The following TMOD3 variants were observed in gnomAD, a reference collection of about 807,000 sequenced individuals.
TMOD3 encodes the protein tropomodulin-3.
Under a neutral mutation model 39.2 loss-of-function variants are expected in TMOD3, and 20 were observed. That is an observed-to-expected ratio of 0.51 (90% CI 0.36 to 0.74). TMOD3 has a LOEUF of 0.74. Among genes scored for constraint, TMOD3 ranks in the 30% least tolerant of loss-of-function variants. TMOD3 has a pLI of 0.00. For synonymous variants in TMOD3, 143 were observed against 145.8 expected, an observed-to-expected ratio of 0.98 and a Z score of 0.14; for missense variants, 381 against 412.8, an observed-to-expected ratio of 0.92 and a Z score of 0.67.
At chr15:51,886,483 G>A (rs933750495) in intron 3 of TMOD3, among the ~76,000 whole-genome samples, 3 of 152,234 alleles carry the variant, frequency 2.0e-5, no homozygotes, top group Admixed American at 6.5e-5. Flanking sequence ...TGGCCAACAC[G>A]GCGAAACCCC....
In TMOD3 at chr15:51,896,501, C is replaced by T. The variant is rs2056621585; in HGVS notation, c.710C>T (p.Thr237Ile). Residue 237 changes from threonine to isoleucine, a missense_variant, in exon 7 of 10, where the codon ACC (threonine) becomes ATC (isoleucine). Physicochemically the swap from Thr to Ile is moderately conservative, Grantham distance 89. Transcript: ENST00000308580. ...GTGAAATGTTTCAGTCTTGCAGCCA[C>T]CCGGAGCAATGACCCTGTTGCTACT... ...THVKCFSLAA[T>I]RSNDPVATAF... 2 of 1,613,824 alleles carry T rather than the reference C, an allele frequency of 1.2e-6. No homozygotes were observed. Among genetic ancestry groups the T allele is most frequent in the Non-Finnish European group, 1.7e-6 (2 of 1,179,806 alleles).
chr15:51,879,137 C>T (rs1323823464), intron 3 of TMOD3, among the ~76,000 whole-genome samples: 1 of 152,150 alleles, frequency 6.6e-6, no homozygotes, highest in East Asian at 1.9e-4. Flanking sequence ...TTTCTTTTTT[C>T]TTGGAACACA....
At chr15:51,895,673 G>A (rs1041450527) in intron 6 of TMOD3, among the ~76,000 whole-genome samples, 6 of 152,124 alleles carry the variant, frequency 3.9e-5, no homozygotes, top group Admixed American at 6.5e-5. Context: ...AAGTAGTGTA[G>A]GGTTAATCTC....
At chr15:51,890,565 G>C (rs926718379) in intron 5 of TMOD3, among the ~76,000 whole-genome samples, 1 of 151,994 alleles carries the variant, frequency 6.6e-6, no homozygotes, top group Admixed American at 6.6e-5. Flanking sequence ...ACAGTTCTAT[G>C]AAATAGATAT....
At chr15:51,867,865 A>T (rs2056454813) in intron 2 of TMOD3, among the ~76,000 whole-genome samples, 1 of 152,212 alleles carries the variant, frequency 6.6e-6, no homozygotes, top group Non-Finnish European at 1.5e-5. Context: ...GGGCTTAGTG[A>T]AAATTAAGGG....
At chr15:51,875,669 G>A (rs915190391) in intron 3 of TMOD3, among the ~76,000 whole-genome samples, 2 of 143,444 alleles carry the variant, frequency 1.4e-5, no homozygotes, top group Non-Finnish European at 1.5e-5. Flanking sequence ...AGGCTGGAGT[G>A]CAGTGGCGCG....
chr15:51,897,549 A>G (rs1181040604), intron 7 of TMOD3, among the ~76,000 whole-genome samples: 3 of 148,502 alleles, frequency 2.0e-5, no homozygotes, highest in African/African-American at 5.0e-5. Flanking sequence ...CAGTGGCGCA[A>G]TCTCGGCTCA....
chr15:51,830,035 G>T (rs1375715240), intron 1 of TMOD3, among the ~76,000 whole-genome samples, 199 bp downstream of exon 1: 3 of 152,118 alleles, frequency 2.0e-5, no homozygotes, highest in Non-Finnish European at 4.4e-5. Context: ...GGGACGTGGG[G>T]CGCGCTGGGC....
intron 3 of TMOD3, among the ~76,000 whole-genome samples, chr15:51,882,590 T>C (rs543384643): frequency 6.6e-6 from 1 of 152,334 alleles, no homozygotes; most frequent in African/African-American, 2.4e-5. Flanking sequence ...CTCCATTGAA[T>C]TGTTTTGGTA....
intron 1 of TMOD3, among the ~76,000 whole-genome samples, chr15:51,857,469 TA>T (rs2056394072): frequency 7.9e-5 from 12 of 152,222 alleles, no homozygotes; most frequent in Admixed American, 7.9e-4. Context: ...CTGTGGAATG[TA>T]GAATGTCATG....
rs900184459 is a variant in TMOD3, at chr15:51,911,737, A to T, written c.*2927A>T. On this transcript the variant is annotated 3_prime_UTR_variant, in exon 10 of 10. Transcript: ENST00000308580. The stretch of plus-strand genomic sequence containing the variant: ...GTCTGAATTTTTCCAGTATTCCTAC[A>T]TGAAATTGTATGTATTAAAAACTCA... 9.2e-5 allele frequency: 14 copies of T among 152,312 alleles called. No homozygotes were observed. The highest frequency in any genetic ancestry group is 4.8e-5 in the African/African-American group (2 of 41,578). The allele number at this position is 152,312 out of a possible 1,614,324, so 9.4% of individuals were successfully genotyped here.
At chr15:51,843,291 G>T (rs773961283) in intron 1 of TMOD3, among the ~76,000 whole-genome samples, 1 of 152,172 alleles carries the variant, frequency 6.6e-6, no homozygotes, top group Non-Finnish European at 1.5e-5. Flanking sequence ...CAAATGAGGC[G>T]GCCAGCTGAA....
intron 1 of TMOD3, among the ~76,000 whole-genome samples, chr15:51,837,337 G>A (rs765237849): frequency 1.3e-5 from 2 of 151,876 alleles, no homozygotes; most frequent in South Asian, 2.1e-4. Context: ...TGAGGCAAAC[G>A]TGACAAGATA....
chr15:51,856,883 A>G (rs1332419765), intron 1 of TMOD3, among the ~76,000 whole-genome samples: 1 of 152,234 alleles, frequency 6.6e-6, no homozygotes. Context: ...CAAGTTCAGT[A>G]TAAGCATACC....
At chr15:51,905,841 G>A (rs989208124) in intron 9 of TMOD3, among the ~76,000 whole-genome samples, 73 of 151,380 alleles carry the variant, frequency 4.8e-4, no homozygotes, top group African/African-American at 1.7e-3. Flanking sequence ...CTACTCGGGA[G>A]GCTGAGGCAG....
intron 5 of TMOD3, among the ~76,000 whole-genome samples, chr15:51,893,294 CAAAAAAAAAAAAAAAAA>C (rs59321162): frequency 6.8e-5 from 4 of 58,992 alleles, no homozygotes; most frequent in African/African-American, 1.4e-4. Context: ...GACTCCATCT[CAAAAAAAAAAAAAAAAA>C]AAAAAAAAAA....
chr15:51,859,810 T>C (rs940862086), intron 1 of TMOD3: 1 of 511,720 alleles, frequency 2.0e-6, no homozygotes, highest in East Asian at 5.1e-5. Flanking sequence ...TACTGCCACC[T>C]CTAGAGCTTT....
chr15:51,861,718 C>A (rs1359407935), intron 1 of TMOD3, among the ~76,000 whole-genome samples: 2 of 149,116 alleles, frequency 1.3e-5, no homozygotes, highest in African/African-American at 5.0e-5. Context: ...AGTGTAAAGG[C>A]ACGATCTTGG....
intron 1 of TMOD3, among the ~76,000 whole-genome samples, chr15:51,851,242 G>A (rs1387011253): frequency 6.6e-6 from 1 of 152,144 alleles, no homozygotes; most frequent in Non-Finnish European, 1.5e-5. Flanking sequence ...TCATCACTAC[G>A]GTTCCTGGGT....
Sources: allele counts gnomAD v4.1 joint callset (sites outside exome capture counted in the v4.1 genomes callset), GRCh38; gene constraint gnomAD v4.1.1; transcripts MANE v1.5; gene names NCBI Gene and HGNC (gene_info 2026-07-23, HGNC 2026-07-21).